CCDC88B: variants seen among roughly 807,000 people sequenced by gnomAD.
CCDC88B encodes the protein coiled-coil domain-containing protein 88B.
In CCDC88B, 138 loss-of-function variants were observed where a neutral mutation model predicts 183.7. The observed-to-expected ratio is 0.75, with a 90% CI of 0.65 to 0.87. CCDC88B has a LOEUF of 0.87. CCDC88B is among the 40% of genes least tolerant of loss of function. The probability of loss-of-function intolerance (pLI) is 0.00; values close to 1 mark genes in which losing one functional copy is unlikely to be tolerated. For synonymous variants in CCDC88B, 835 were observed against 867.5 expected (o/e 0.96, Z 0.66); for missense variants, 1,822 against 1,965.6 (o/e 0.93, Z 1.38).
At chr11:64,350,034 G>A (rs563968426) in intron 16 of CCDC88B, 2 of 307,046 alleles carry the variant, frequency 6.5e-6, no homozygotes, top group Non-Finnish European at 1.3e-5. Flanking sequence ...GTGGGGTGGT[G>A]GTGGGGCCCA....
chr11:64,342,514 TGGCCCAGGCCCAGGCGCTGTCGGGACA>T lies in CCDC88B; in HGVS notation c.904-3_927del, dbSNP rs2035913929. On this transcript the variant is annotated splice_acceptor_variant and splice_polypyrimidine_tract_variant and coding_sequence_variant and intron_variant, in exon 10 of 27. Coordinates refer to ENST00000356786, the MANE Select transcript of CCDC88B (RefSeq NM_032251.6). LOFTEE classifies it high-confidence loss of function. Reference sequence around the variant, plus strand: ...TGGCTGTTCCCAGCTCCACACCGTCTGGCCCAGGCCCAGGCGCTGTCGGGACAGGCCAAGCGGGCCGAGCTGTACCGC... The same window carrying T: ...TGGCTGTTCCCAGCTCCACACCGTCTGGCCAAGCGGGCCGAGCTGTACCGC... 6.5e-7 allele frequency: 1 copy of T among 1,527,958 alleles called. No individual in the cohort carries two copies. The highest frequency in any genetic ancestry group is 8.8e-7 in the Non-Finnish European group (1 of 1,141,976). 94.7% of individuals were successfully genotyped at this position (1,527,958 alleles called of 1,614,324 possible). A position where few individuals can be genotyped will look rare whatever the true frequency, so the allele number is the denominator to read the frequency against.
chr11:64,350,037 G>T, intron 16 of CCDC88B: 1 of 305,696 alleles, frequency 3.3e-6, no homozygotes, highest in Non-Finnish European at 6.3e-6. Flanking sequence ...GGGTGGTGGT[G>T]GGGCCCAATC....
chr11:64,343,117 C>G, intron 10 of CCDC88B, 62 bp from the exon 11 acceptor site: 5 of 1,460,504 alleles, frequency 3.4e-6, no homozygotes, highest in Non-Finnish European at 3.6e-6. Context: ...GAGTTTGGGA[C>G]CCTCAGGCGC....
chr11:64,348,348 C>T (rs576712576), intron 14 of CCDC88B, among the ~76,000 whole-genome samples: 13 of 151,416 alleles, frequency 8.6e-5, no homozygotes, highest in African/African-American at 2.4e-4. Context: ...CTCAGGTTGT[C>T]CACTGGGTGG....
chr11:64,342,041 T>C lies in CCDC88B; in HGVS notation c.723T>C (p.Pro241=). The change falls in exon 8 of 27, where the codon CCT becomes CCC. Residue 241 remains proline, a synonymous_variant. Coordinates refer to ENST00000356786, the MANE Select transcript of CCDC88B (RefSeq NM_032251.6). ...LLEREPLCLR[P]EAPSRAPAEG... ...AGCGAGAACCCCTCTGCTTGAGGCC[T>C]GAGGCTCCCTCTAGGGCTCCCGCCG... 1 of 1,612,534 alleles carries C rather than the reference T, an allele frequency of 6.2e-7. No individual in the cohort carries two copies. The highest frequency in any genetic ancestry group is 8.5e-7 in the Non-Finnish European group (1 of 1,179,718).
intron 20 of CCDC88B, 48 bp downstream of exon 20, chr11:64,352,935 GA>G: frequency 1.3e-6 from 2 of 1,521,962 alleles, no homozygotes; most frequent in Non-Finnish European, 1.8e-6. Flanking sequence ...GCCCCATCCT[GA>G]AAGTGGGTTG....
chr11:64,340,821 C>T, intron 2 of CCDC88B, 69 bp downstream of exon 2: 1 of 1,549,144 alleles, frequency 6.5e-7, no homozygotes, highest in Non-Finnish European at 8.7e-7. Context: ...TGGGCGGAGC[C>T]TGATGCTCAG....
chr11:64,347,069 C>A (rs1482057005), intron 14 of CCDC88B, among the ~76,000 whole-genome samples: 1 of 152,204 alleles, frequency 6.6e-6, no homozygotes, highest in Non-Finnish European at 1.5e-5. Flanking sequence ...GCTGGGATTA[C>A]AGGCGTGAGC....
Position 64,355,232 on chromosome 11 carries a change from T to C in CCDC88B, c.4138T>C (p.Ser1380Pro). 1 of 1,516,398 alleles carries C rather than the reference T, an allele frequency of 6.6e-7. No homozygotes were observed. The highest frequency in any genetic ancestry group is 1.3e-5 in the South Asian group (1 of 74,594). The allele number at this position is 1,516,398 out of a possible 1,614,324, so 93.9% of individuals were successfully genotyped here. The change falls in exon 25 of 27, where the codon TCC (serine) becomes CCC (proline). Residue 1380 changes from serine (S) to proline (P), a missense_variant. Ser to Pro is a moderately conservative substitution (Grantham distance 74, BLOSUM62 -1). Coordinates refer to ENST00000356786, the MANE Select transcript of CCDC88B (RefSeq NM_032251.6). ...SPAPMRRAQS[S>P]LCLRDETLAG... ...GGCACCCATGCGCCGGGCCCAGAGC[T>C]CCCTCTGCCTGCGGGATGAGACCTT...
Position 64,341,106 on chromosome 11 carries a change from CAGGAGGA to C in CCDC88B, c.319-2_323del. 6.2e-7 allele frequency: 1 copy of C among 1,614,052 alleles called. No homozygotes were observed. Among genetic ancestry groups the C allele is most frequent in the Non-Finnish European group, 8.5e-7 (1 of 1,180,002 alleles). ...CTCATATAGTCTGCCTCTCTGCCTCCAGGAGGAGCTGCAGCTGCTGATCCTGTCGCCA... is the reference window on the plus strand; with the variant it reads ...CTCATATAGTCTGCCTCTCTGCCTCCGCTGCAGCTGCTGATCCTGTCGCCA... On this transcript the variant is annotated splice_acceptor_variant and coding_sequence_variant, in exon 4 of 27. Transcript: ENST00000356786. LOFTEE classifies it high-confidence loss of function.
intron 17 of CCDC88B, 77 bp downstream of exon 17, chr11:64,351,332 TG>T (rs995559764): frequency 4.7e-6 from 7 of 1,482,614 alleles, no homozygotes; most frequent in East Asian, 2.5e-5. Flanking sequence ...GACCCTGGGC[TG>T]GGGGGTATCC....
At chr11:64,349,296 C>T (rs1234920856) in intron 14 of CCDC88B, 35 bp from the exon 15 acceptor site, 5 of 1,542,042 alleles carry the variant, frequency 3.2e-6, no homozygotes, top group Non-Finnish European at 4.4e-6. Context: ...CTGTCTCCTG[C>T]CCCCTTGCCC....
At position 64,342,566 on chromosome 11, in the gene CCDC88B, C is replaced by G. The variant is rs1591277247; in HGVS notation, c.948C>G (p.Arg316=). 6.5e-7 allele frequency: 1 copy of G among 1,531,666 alleles called. No homozygotes were observed. The highest frequency in any genetic ancestry group is 1.2e-5 in the South Asian group (1 of 83,730). 94.9% of individuals were successfully genotyped at this position (1,531,666 alleles called of 1,614,324 possible). Residue 316 remains arginine, a synonymous_variant, in exon 10 of 27, where the codon CGC becomes CGG. Transcript: ENST00000356786. The part of the protein sequence containing the change: ...SGQAKRAELY[R]EEAEALRERA... ...AGGCCAAGCGGGCCGAGCTGTACCGCGAGGAGGCAGAGGCGCTGCGGGAGC... is the reference window on the plus strand; with the variant it reads ...AGGCCAAGCGGGCCGAGCTGTACCGGGAGGAGGCAGAGGCGCTGCGGGAGC...
chr11:64,357,216 G>C lies in CCDC88B; in HGVS notation c.*122G>C. On this transcript the variant is annotated 3_prime_UTR_variant, in exon 27 of 27. Transcript: ENST00000356786. Reference sequence around the variant, plus strand: ...CCAAGGGGAGTCCTTGGACAAGGAGGCCTGGGCCCTGAGATCCTCCACGGT... The same window carrying C: ...CCAAGGGGAGTCCTTGGACAAGGAGCCCTGGGCCCTGAGATCCTCCACGGT... 8.2e-7 allele frequency: 1 copy of C among 1,220,422 alleles called. No homozygotes were observed. Among genetic ancestry groups the C allele is most frequent in the Non-Finnish European group, 1.2e-6 (1 of 826,162 alleles). The allele number at this position is 1,220,422 out of a possible 1,614,324, so 75.6% of individuals were successfully genotyped here.
chr11:64,352,429 A>G (rs1419987168), intron 19 of CCDC88B, 43 bp downstream of exon 19: 10 of 1,493,188 alleles, frequency 6.7e-6, no homozygotes, highest in Non-Finnish European at 8.9e-6. Context: ...GGCACCCCCT[A>G]TCTGCCAGAG....
rs1165814727 is a variant in CCDC88B at position 64,357,112 on chromosome 11, G to T, written c.*18G>T. 5 of 1,613,684 alleles carry T rather than the reference G, an allele frequency of 3.1e-6. No homozygotes were observed. The highest frequency in any genetic ancestry group is 4.2e-6 in the Non-Finnish European group (5 of 1,179,900). Reference sequence around the variant, plus strand: ...GCCAGTGACACCGTGGGAACAGCAGGCTTGGGAGTGCAGCCTTCTCGGCAC... The same window carrying T: ...GCCAGTGACACCGTGGGAACAGCAGTCTTGGGAGTGCAGCCTTCTCGGCAC... On this transcript the variant is annotated 3_prime_UTR_variant, in exon 27 of 27. Transcript: ENST00000356786.
Position 64,351,626 on chromosome 11 carries a change from G to T in CCDC88B, c.3099+10G>T. On this transcript the variant is annotated intron_variant, in intron 18 of 26. Coordinates refer to ENST00000356786, the MANE Select transcript of CCDC88B (RefSeq NM_032251.6). ...CAGCAGCCGCCTGCAGGTGGGTGGT[G>T]GCCCGGGTGCCCATCCCTGCCCATG... 6.4e-7 allele frequency: 1 copy of T among 1,555,234 alleles called. No individual in the cohort carries two copies. Among genetic ancestry groups the T allele is most frequent in the Admixed American group, 1.8e-5 (1 of 54,736 alleles).
chr11:64,355,271 C>T lies in CCDC88B; in HGVS notation c.4177C>T (p.Arg1393Trp), dbSNP rs139070976. Residue 1393 changes from arginine (R) to tryptophan (W), a missense_variant, in exon 25 of 27, where the codon CGG becomes TGG. Coordinates refer to ENST00000356786, the MANE Select transcript of CCDC88B (RefSeq NM_032251.6). ...GGATGAGACCTTGGCAGGCGGGCAG[C>T]GGCGGAAACTCAGCTCAAGGTTCCC... The part of the protein sequence containing the change: ...LRDETLAGGQ[R>W]RKLSSRFPVG... 41 of 1,579,468 alleles carry T rather than the reference C, an allele frequency of 2.6e-5. No individual in the cohort carries two copies. The Middle Eastern group carries it at 1.7e-3, about 65-fold the overall frequency.
Position 64,341,588 on chromosome 11 carries a change from C to T in CCDC88B, c.532-11C>T, listed in dbSNP as rs200711256. On this transcript the variant is annotated splice_polypyrimidine_tract_variant and intron_variant, in intron 6 of 26. Coordinates refer to ENST00000356786, the MANE Select transcript of CCDC88B (RefSeq NM_032251.6). The stretch of plus-strand genomic sequence containing the variant: ...CGCGGCTTCCACTGAACTGCTCTTC[C>T]TGCGCCCCAGGTGACCCAGCCGGGG... 9 of 1,603,342 alleles carry T rather than the reference C, an allele frequency of 5.6e-6. No individual in the cohort carries two copies. In the Admixed American group the frequency reaches 8.4e-5, roughly 15 times the overall value.
Sources: allele counts gnomAD v4.1 joint callset (sites outside exome capture counted in the v4.1 genomes callset), GRCh38; gene constraint gnomAD v4.1.1; transcripts MANE v1.5; gene names NCBI Gene and HGNC (gene_info 2026-07-23, HGNC 2026-07-21).